The following DPP10 variants were observed in gnomAD, a reference collection of about 807,000 sequenced individuals.
DPP10 encodes the protein dipeptidyl peptidase like 10.
Under a neutral mutation model 120.9 loss-of-function variants are expected in DPP10, and 33 were observed. The observed-to-expected ratio is 0.27, with a 90% CI of 0.21 to 0.37. DPP10 has a LOEUF of 0.37. Among genes scored for constraint, DPP10 ranks in the 10% least tolerant of loss-of-function variants. The probability of loss-of-function intolerance (pLI) is 1.00; values close to 1 mark genes in which losing one functional copy is unlikely to be tolerated. For missense variants in DPP10, 816 were observed against 942.8 expected, an observed-to-expected ratio of 0.87 and a Z score of 1.76; for synonymous variants, 337 against 326.1, an observed-to-expected ratio of 1.03 and a Z score of -0.36.
At chr2:114,661,557 CAG>C (rs1320463273) in intron 1 of DPP10, among the ~76,000 whole-genome samples, 2 of 152,212 alleles carry the variant, frequency 1.3e-5, no homozygotes, top group Non-Finnish European at 2.9e-5. Flanking sequence ...CAAGTCCACA[CAG>C]AGCATTTCTC....
chr2:115,380,720 C>CT (rs1471210245), intron 3 of DPP10, among the ~76,000 whole-genome samples: 5 of 152,006 alleles, frequency 3.3e-5, no homozygotes, highest in African/African-American at 7.3e-5. Flanking sequence ...TTAGTGCTTC[C>CT]TTCAGGAGCT....
At position 115,088,411 on chromosome 2, in the gene DPP10, G is replaced by GA. The variant is rs1185258822; in HGVS notation, c.61-220821dup. Among the ~76,000 whole-genome samples, 6 of 152,016 alleles carry GA rather than the reference G, an allele frequency of 3.9e-5. No homozygotes were observed. In the East Asian group the frequency reaches 9.7e-4, roughly 25 times the overall value. ...TGGTGCTACCTAGCTAACTTCCACAGAAAAAAATCAAAAACAACTTTTCTT... is the reference window on the plus strand; with the variant it reads ...TGGTGCTACCTAGCTAACTTCCACAGAAAAAAAATCAAAAACAACTTTTCTT... On this transcript the variant is annotated intron_variant, in intron 1 of 25. Transcript: ENST00000410059.
chr2:115,151,477 G>A (rs547512984), intron 1 of DPP10, among the ~76,000 whole-genome samples: 19 of 146,644 alleles, frequency 1.3e-4, no homozygotes, highest in South Asian at 6.4e-4. Context: ...GTGTGATCTC[G>A]GCTCACTGCA....
rs557111627 is a variant in DPP10 at position 114,813,086 on chromosome 2, C to T, written c.60+370248C>T. On this transcript the variant is annotated intron_variant, in intron 1 of 25. Coordinates refer to ENST00000410059, the MANE Select transcript of DPP10 (RefSeq NM_020868.6). ...CAGGAAGCTCCTCATCTTCGTTTCC[C>T]TACTACATTTATCATAATAACAATT... 7.2e-5 allele frequency among the ~76,000 whole-genome samples: 11 copies of T among 152,306 alleles called. No individual in the cohort carries two copies. The East Asian group carries it at 2.1e-3, about 29-fold the overall frequency.
At chr2:115,219,614 A>G (rs1268613429) in intron 1 of DPP10, among the ~76,000 whole-genome samples, 2 of 152,196 alleles carry the variant, frequency 1.3e-5, no homozygotes, top group Non-Finnish European at 2.9e-5. Flanking sequence ...TATATTGTGC[A>G]TAACATAGAG....
At chr2:115,106,894 T>G (rs1218588123) in intron 1 of DPP10, among the ~76,000 whole-genome samples, 3 of 151,900 alleles carry the variant, frequency 2.0e-5, no homozygotes, top group Admixed American at 2.0e-4. Context: ...GCCAACAAGG[T>G]GAAACCCCAT....
intron 1 of DPP10, among the ~76,000 whole-genome samples, chr2:114,872,647 C>A (rs984415076): frequency 6.6e-6 from 1 of 152,162 alleles, no homozygotes; most frequent in Admixed American, 6.5e-5. Flanking sequence ...ATGGCCCACC[C>A]ATTATTTTAC....
chr2:114,460,616 C>A (rs1012134412), intron 1 of DPP10, among the ~76,000 whole-genome samples: 3 of 152,056 alleles, frequency 2.0e-5, no homozygotes, highest in Non-Finnish European at 4.4e-5. Context: ...ATATAGAATA[C>A]TGTGTGTTAC....
intron 1 of DPP10, among the ~76,000 whole-genome samples, chr2:115,146,054 T>C (rs2051206933): frequency 6.6e-6 from 1 of 152,094 alleles, no homozygotes; most frequent in Non-Finnish European, 1.5e-5. Context: ...TACACCATTA[T>C]TATGCATTTT....
intron 1 of DPP10, among the ~76,000 whole-genome samples, chr2:114,903,174 CCA>C (rs1187596989): frequency 2.0e-5 from 3 of 151,992 alleles, no homozygotes; most frequent in Non-Finnish European, 4.4e-5. Flanking sequence ...GTCTGATGTA[CCA>C]CAGTTGATTT....
chr2:115,511,724 TCTTCTTC>T (rs1451016541), intron 4 of DPP10, among the ~76,000 whole-genome samples: 32 of 127,082 alleles, frequency 2.5e-4, no homozygotes, highest in African/African-American at 9.3e-4. Flanking sequence ...TTCTTCTTCT[TCTTCTTC>T]TTTTTTTTTT....
intron 1 of DPP10, among the ~76,000 whole-genome samples, chr2:114,638,486 AAAG>A (rs1695466152): frequency 6.6e-6 from 1 of 151,904 alleles, no homozygotes; most frequent in Non-Finnish European, 1.5e-5. Flanking sequence ...ACACTTCTCT[AAAG>A]AAGACATATA....
intron 5 of DPP10, among the ~76,000 whole-genome samples, chr2:115,536,944 G>C (rs547504034): frequency 2.6e-4 from 40 of 152,156 alleles, no homozygotes; most frequent in African/African-American, 9.1e-4. Flanking sequence ...AAGCGATGGA[G>C]TAAAAGTAAG....
chr2:115,646,789 G>A (rs2087302170), intron 5 of DPP10, among the ~76,000 whole-genome samples: 1 of 152,118 alleles, frequency 6.6e-6, no homozygotes, highest in African/African-American at 2.4e-5. Context: ...TGATTTTGAT[G>A]ATTCTGAATT....
intron 5 of DPP10, among the ~76,000 whole-genome samples, chr2:115,637,408 A>G (rs1380856676): frequency 2.0e-5 from 3 of 152,142 alleles, no homozygotes; most frequent in Non-Finnish European, 4.4e-5. Context: ...ATATAGATGC[A>G]AAGTACAAAT....
intron 1 of DPP10, among the ~76,000 whole-genome samples, chr2:114,700,999 A>G (rs1272381092): frequency 2.0e-5 from 3 of 152,022 alleles, no homozygotes; most frequent in Admixed American, 6.6e-5. Flanking sequence ...GAGCTTTGTG[A>G]TGGTGTACTA....
At chr2:115,737,341 T>G (rs1040859805) in intron 8 of DPP10, among the ~76,000 whole-genome samples, 1 of 152,180 alleles carries the variant, frequency 6.6e-6, no homozygotes, top group Non-Finnish European at 1.5e-5. Flanking sequence ...GTGGATCAGA[T>G]AGCCATCAGT....
chr2:114,490,563 G>C (rs1348839114), intron 1 of DPP10, among the ~76,000 whole-genome samples: 2 of 152,338 alleles, frequency 1.3e-5, no homozygotes, highest in Non-Finnish European at 2.9e-5. Flanking sequence ...CACCGGTGTA[G>C]ACTGGAGGCA....
At chr2:114,748,338 C>CTTTTTTTTTTTTTT (rs1255227047) in intron 1 of DPP10, among the ~76,000 whole-genome samples, 1 of 70,324 alleles carries the variant, frequency 1.4e-5, no homozygotes. Context: ...AGGGAATTTT[C>CTTTTTTTTTTTTTT]TTTTTTTTTT....
Sources: allele counts gnomAD v4.1 joint callset (sites outside exome capture counted in the v4.1 genomes callset), GRCh38; gene constraint gnomAD v4.1.1; transcripts MANE v1.5; gene names NCBI Gene and HGNC (gene_info 2026-07-23, HGNC 2026-07-21).